Variants in RBPJ observed in about 807,000 individuals in gnomAD.
RBPJ encodes the protein recombination signal binding protein for immunoglobulin kappa J region, also known as recombining binding protein suppressor of hairless.
Under a neutral mutation model 67.8 loss-of-function variants are expected in RBPJ, and 9 were observed. The observed-to-expected ratio is 0.13, with a 90% confidence interval of 0.08 to 0.23. The LOEUF is 0.23. Ranked by LOEUF, RBPJ falls within the 10% of genes least tolerant of loss-of-function variation. RBPJ has a pLI of 1.00. For missense variants in RBPJ, 305 were observed against 595.6 expected (o/e 0.51, Z 5.08); for synonymous variants, 198 against 203.3 (o/e 0.97, Z 0.22).
At chr4:26,180,623 C>A (rs1716950129) in intron 1 of RBPJ, among the ~76,000 whole-genome samples, 1 of 152,178 alleles carries the variant, frequency 6.6e-6, no homozygotes. Context: ...GAGGGTTTCA[C>A]CCTTGTGACC....
chr4:26,297,199 GGT>G (rs1370555561), intron 1 of RBPJ, among the ~76,000 whole-genome samples: 1 of 152,172 alleles, frequency 6.6e-6, no homozygotes, highest in Non-Finnish European at 1.5e-5. Context: ...GGGAGGCTGA[GGT>G]GGGAGGATCA....
intron 1 of RBPJ, among the ~76,000 whole-genome samples, chr4:26,302,182 T>C (rs1384106481): frequency 6.6e-6 from 1 of 152,308 alleles, no homozygotes; most frequent in East Asian, 1.9e-4. Context: ...GATGACACAC[T>C]TCCTGATGGA....
intron 1 of RBPJ, among the ~76,000 whole-genome samples, chr4:26,313,726 C>T (rs1438040219): frequency 6.6e-6 from 1 of 151,380 alleles, no homozygotes; most frequent in African/African-American, 2.4e-5. Flanking sequence ...ATCCCAGCTA[C>T]TCGGGAGGTT....
At chr4:26,320,622 CT>C (rs1288593141), upstream of RBPJ, 1 of 1,059,592 alleles carries the variant, frequency 9.4e-7, no homozygotes, top group East Asian at 2.8e-5. Context: ...CCCAGGACCC[CT>C]CCTCCCTTCT....
intron 1 of RBPJ, among the ~76,000 whole-genome samples, chr4:26,165,604 C>T (rs562070005): frequency 3.9e-5 from 6 of 152,236 alleles, no homozygotes; most frequent in Admixed American, 6.5e-5. Context: ...TATTGGACAT[C>T]GTTCAAGTTC....
intron 1 of RBPJ, among the ~76,000 whole-genome samples, chr4:26,210,827 C>A (rs994604750): frequency 7.9e-6 from 1 of 127,000 alleles, no homozygotes; most frequent in South Asian, 2.5e-4. Flanking sequence ...GTGTGTCTGG[C>A]TCTTTTATTG....
In RBPJ at chr4:26,216,096, A is replaced by G. The variant is rs182172484; in HGVS notation, c.-167+52482A>G. Among the ~76,000 whole-genome samples, 1,089 of 152,234 alleles carry G rather than the reference A, an allele frequency of 7.2e-3. 13 individuals carry two copies. The highest frequency in any genetic ancestry group is 0.025 in the African/African-American group (1,036 of 41,544). ...AGTGGCTCCATGTGCTTTTTGGCTC[A>G]TGGCTGCAAGGCTTTAATCTCTGCA... is the stretch of plus-strand genomic sequence containing the variant. On this transcript the variant is annotated intron_variant, in intron 1 of 4. Coordinates refer to the RBPJ transcript ENST00000512351.
chr4:26,148,913 C>T, the RBPJ span, among the ~76,000 whole-genome samples: 1 of 145,746 alleles, frequency 6.9e-6, no homozygotes, highest in African/African-American at 2.5e-5. Context: ...GAAGACCTTT[C>T]CCCTGAGAAA....
At chr4:26,346,377 C>T (rs1218665451) in intron 1 of RBPJ, among the ~76,000 whole-genome samples, 4 of 152,106 alleles carry the variant, frequency 2.6e-5, no homozygotes, top group Non-Finnish European at 5.9e-5. Context: ...TCAGGTATGA[C>T]GTTTACAGCG....
chr4:26,323,820 A>G (rs1723339865), intron 1 of RBPJ, among the ~76,000 whole-genome samples: 1 of 152,176 alleles, frequency 6.6e-6, no homozygotes, highest in South Asian at 2.1e-4. Flanking sequence ...TGGGTAAGGC[A>G]TTAGGAAAAA....
At chr4:26,285,493 G>T (rs1006333929) in intron 1 of RBPJ, among the ~76,000 whole-genome samples, 4 of 151,614 alleles carry the variant, frequency 2.6e-5, no homozygotes, top group Non-Finnish European at 5.9e-5. Flanking sequence ...TCATTTCAAA[G>T]AGTCTCCTCC....
chr4:26,114,442 A>C, the RBPJ span, among the ~76,000 whole-genome samples: 1 of 143,968 alleles, frequency 6.9e-6, no homozygotes, highest in African/African-American at 2.6e-5. Context: ...AGGCAACAAG[A>C]GTGAGACTCC....
chr4:26,109,114 T>TG, the RBPJ span, among the ~76,000 whole-genome samples: 1 of 150,510 alleles, frequency 6.6e-6, no homozygotes, highest in Non-Finnish European at 1.5e-5. Flanking sequence ...TTTTTTTTTT[T>TG]TTTTTTTTTT....
At chr4:26,323,426 T>C (rs1723294475) in intron 1 of RBPJ, among the ~76,000 whole-genome samples, 1 of 152,246 alleles carries the variant, frequency 6.6e-6, no homozygotes, top group African/African-American at 2.4e-5. Context: ...GTAATACTTT[T>C]ACTTACATGA....
At chr4:26,159,909 C>CTG, upstream of RBPJ, among the ~76,000 whole-genome samples, 1 of 149,738 alleles carries the variant, frequency 6.7e-6, no homozygotes, top group African/African-American at 2.4e-5. Context: ...GAAGCTTTCT[C>CTG]TCTCTCTCTC....
intron 1 of RBPJ, among the ~76,000 whole-genome samples, chr4:26,336,038 T>A (rs1232028860): frequency 6.6e-6 from 1 of 152,162 alleles, no homozygotes; most frequent in African/African-American, 2.4e-5. Context: ...AGATTTTGAT[T>A]TTGCTATCTT....
chr4:26,168,028 T>C (rs986107832), intron 1 of RBPJ, among the ~76,000 whole-genome samples: 1 of 151,976 alleles, frequency 6.6e-6, no homozygotes, highest in African/African-American at 2.4e-5. Flanking sequence ...CTTTATCCAA[T>C]TTGCCAGTCT....
intron 1 of RBPJ, among the ~76,000 whole-genome samples, chr4:26,365,375 A>G (rs1728520515): frequency 6.6e-6 from 1 of 152,150 alleles, no homozygotes; most frequent in South Asian, 2.1e-4. Context: ...ATCCATGATC[A>G]TCTTATCCTG....
the RBPJ span, among the ~76,000 whole-genome samples, chr4:26,106,099 A>G: frequency 6.6e-6 from 1 of 152,222 alleles, no homozygotes; most frequent in East Asian, 1.9e-4. Context: ...CAATAAATCT[A>G]TTTAGAGAAG....
Sources: allele counts gnomAD v4.1 joint callset (sites outside exome capture counted in the v4.1 genomes callset), GRCh38; gene constraint gnomAD v4.1.1; transcripts MANE v1.5; gene names NCBI Gene and HGNC (gene_info 2026-07-23, HGNC 2026-07-21).